The following FBN1 variants were observed in gnomAD, a reference collection of about 807,000 sequenced individuals.
FBN1 encodes the protein fibrillin 1.
A neutral mutation model predicts 365.1 loss-of-function variants in FBN1; 29 were observed. The observed-to-expected ratio is 0.08, with a 90% CI of 0.06 to 0.11. The LOEUF (loss-of-function observed/expected upper bound fraction) is 0.11. Ranked by LOEUF, FBN1 falls within the 10% of genes least tolerant of loss-of-function variation. The pLI is 1.00. For missense variants in FBN1, 2,476 were observed against 3,703.2 expected (o/e 0.67, Z 8.60); for synonymous variants, 1,210 against 1,270.5 (o/e 0.95, Z 1.01).
At chr15:48,563,075 C>T (rs1226368029) in intron 6 of FBN1, among the ~76,000 whole-genome samples, 1 of 152,084 alleles carries the variant, frequency 6.6e-6, no homozygotes, top group African/African-American at 2.4e-5. Flanking sequence ...AACAGATGAA[C>T]AATCAAATGA....
At chr15:48,500,203 T>C (rs1440524371) in intron 17 of FBN1, among the ~76,000 whole-genome samples, 2 of 152,174 alleles carry the variant, frequency 1.3e-5, no homozygotes, top group East Asian at 1.9e-4. Flanking sequence ...AGCTAAAATA[T>C]GCATGAAATA....
At position 48,572,394 on chromosome 15, in the gene FBN1, A is replaced by T. The variant is rs145261475; in HGVS notation, c.538+23889T>A. On this transcript the variant is annotated intron_variant, in intron 6 of 65. Coordinates refer to ENST00000316623, the MANE Select transcript of FBN1 (RefSeq NM_000138.5). ...AGGAGGTCAGAAAAAGAAAAGGCCA[A>T]CCAAGTTTTCAATAAAGGGGAGAAT... Among the ~76,000 whole-genome samples, 9 of 152,292 alleles carry T rather than the reference A, an allele frequency of 5.9e-5. No individual in the cohort carries two copies. The East Asian group carries it at 1.7e-3, about 29-fold the overall frequency.
intron 9 of FBN1, among the ~76,000 whole-genome samples, chr15:48,522,075 C>T (rs1269495368): frequency 3.3e-5 from 5 of 152,254 alleles, no homozygotes; most frequent in Admixed American, 1.3e-4. Context: ...TTGTGAACTG[C>T]GCATGCGAGG....
Position 48,410,464 on chromosome 15 carries a change from G to C in FBN1, c.*526C>G, listed in dbSNP as rs1342136926. On this transcript the variant is annotated 3_prime_UTR_variant, in exon 66 of 66. Transcript: ENST00000316623. ...TGAGATAAGCTACTGAACTAACTTT[G>C]GTTGATTGAAATTAATGAAGTATTG... 1 of 158,348 alleles carries C rather than the reference G, an allele frequency of 6.3e-6. No homozygotes were observed. Among genetic ancestry groups the C allele is most frequent in the Non-Finnish European group, 1.4e-5 (1 of 71,704 alleles). 9.8% of individuals were successfully genotyped at this position (158,348 alleles called of 1,614,324 possible).
intron 4 of FBN1, among the ~76,000 whole-genome samples, chr15:48,603,230 G>A (rs1172911708): frequency 6.6e-6 from 1 of 152,154 alleles, no homozygotes; most frequent in Non-Finnish European, 1.5e-5. Flanking sequence ...AAAAATAAAA[G>A]CACTCATTCA....
chr15:48,472,423 C>T (rs954293830), intron 35 of FBN1, 128 bp downstream of exon 35: 41 of 1,308,230 alleles, frequency 3.1e-5, no homozygotes, highest in Non-Finnish European at 4.0e-5. Flanking sequence ...ACTGAACTGA[C>T]CAGCTTAGAA....
intron 9 of FBN1, among the ~76,000 whole-genome samples, chr15:48,521,253 A>G (rs1212636967): frequency 1.3e-5 from 2 of 152,242 alleles, no homozygotes; most frequent in Non-Finnish European, 2.9e-5. Flanking sequence ...AACAACATTT[A>G]GTCTACATTT....
intron 4 of FBN1, among the ~76,000 whole-genome samples, chr15:48,602,174 A>G (rs1007828425): frequency 1.3e-5 from 2 of 152,066 alleles, no homozygotes; most frequent in African/African-American, 4.8e-5. Flanking sequence ...CAAACCTGAA[A>G]TCCTATCTAT....
At position 48,497,400 on chromosome 15, in the gene FBN1, C is replaced by T. The variant is rs747772665; in HGVS notation, c.2168-9G>A. 2 of 1,608,862 alleles carry T rather than the reference C, an allele frequency of 1.2e-6. No individual in the cohort carries two copies. The highest frequency in any genetic ancestry group is 1.7e-5 in the Admixed American group (1 of 59,932). Reference sequence around the variant, plus strand: ...TGCACATTCATTTATATCTGCACCACAAAAAAGGTCAAAATCAATTAAGAT... The same window carrying T: ...TGCACATTCATTTATATCTGCACCATAAAAAAGGTCAAAATCAATTAAGAT... On this transcript the variant is annotated splice_polypyrimidine_tract_variant and intron_variant, in intron 18 of 65. Coordinates refer to ENST00000316623, the MANE Select transcript of FBN1 (RefSeq NM_000138.5).
intron 46 of FBN1, among the ~76,000 whole-genome samples, chr15:48,447,617 C>T (rs1209259901): frequency 6.6e-6 from 1 of 152,042 alleles, no homozygotes; most frequent in African/African-American, 2.4e-5. Flanking sequence ...AAAGTTGTTA[C>T]TGCTGGTTTG....
At chr15:48,521,701 A>T (rs934333919) in intron 9 of FBN1, among the ~76,000 whole-genome samples, 2 of 152,246 alleles carry the variant, frequency 1.3e-5, no homozygotes, top group Admixed American at 1.3e-4. Context: ...TTACCACGAA[A>T]CAGTGAAGGC....
intron 65 of FBN1, among the ~76,000 whole-genome samples, chr15:48,411,920 C>T (rs148516929): frequency 2.4e-4 from 36 of 152,342 alleles, no homozygotes; most frequent in African/African-American, 8.4e-4. Flanking sequence ...AAACCATCTT[C>T]TCCTAAGGAC....
At chr15:48,611,364 C>T (rs1345744296) in intron 3 of FBN1, among the ~76,000 whole-genome samples, 1 of 152,080 alleles carries the variant, frequency 6.6e-6, no homozygotes, top group African/African-American at 2.4e-5. Flanking sequence ...AGGTTCATGC[C>T]ATTCTCCTGC....
chr15:48,623,206 A>G (rs1889801819), intron 2 of FBN1, among the ~76,000 whole-genome samples: 1 of 152,242 alleles, frequency 6.6e-6, no homozygotes, highest in African/African-American at 2.4e-5. Flanking sequence ...GATTAATATC[A>G]TCTCCTCAGT....
chr15:48,435,778 G>GTATATATAGGTATATA (rs1299471206), intron 53 of FBN1, among the ~76,000 whole-genome samples: 2 of 141,322 alleles, frequency 1.4e-5, no homozygotes, highest in African/African-American at 2.7e-5. Flanking sequence ...GTATATGTGT[G>GTATATATAGGTATATA]TGTGTGTGTG....
chr15:48,596,366 C>T lies in FBN1; in HGVS notation c.455G>A (p.Ser152Asn), dbSNP rs1288527435. ...GTHCGQPVCE[S>N]GCLNGGRCVA... ...ACACCTTCCTCCATTGAGACAGCCA[C>T]TTTCACAAACAGCTGTAAAATAAGG... Residue 152 changes from serine (S) to asparagine (N), a missense_variant, in exon 6 of 66, where the codon AGT (serine) becomes AAT (asparagine). Physicochemically the swap from Ser to Asn is conservative, Grantham distance 46. Transcript: ENST00000316623. The T allele has an allele frequency of 6.2e-7, 1 of 1,614,012 alleles. No homozygotes were observed.
intron 32 of FBN1, among the ~76,000 whole-genome samples, chr15:48,479,546 T>C (rs1472432118): frequency 2.0e-5 from 3 of 152,192 alleles, no homozygotes; most frequent in African/African-American, 4.8e-5. Context: ...TGGAAAATCA[T>C]TTTAGGCTGT....
At chr15:48,490,827 C>T (rs1460150656) in intron 24 of FBN1, among the ~76,000 whole-genome samples, 1 of 152,224 alleles carries the variant, frequency 6.6e-6, no homozygotes, top group Non-Finnish European at 1.5e-5. Flanking sequence ...TGAATTTCCA[C>T]ATCTGTTACA....
intron 23 of FBN1, 60 bp downstream of exon 23, chr15:48,494,144 G>T: frequency 7.4e-7 from 1 of 1,350,340 alleles, no homozygotes; most frequent in Non-Finnish European, 1.1e-6. Flanking sequence ...TCCAGTCCGA[G>T]TTAACACAAA....
Sources: gnomAD v4.1 joint callset for allele counts (sites outside exome capture counted in the v4.1 genomes callset) on GRCh38, gnomAD v4.1.1 for gene constraint, MANE v1.5 for transcripts, NCBI Gene and HGNC (gene_info 2026-07-23, HGNC 2026-07-21) for gene names.